The following CC2D2B variants were observed in gnomAD, a reference collection of about 807,000 sequenced individuals.
The protein encoded by CC2D2B is coiled-coil and C2 domain containing 2B.
Under a neutral mutation model 161.2 loss-of-function variants are expected in CC2D2B, and 128 were observed. The observed-to-expected ratio is 0.79, with a 90% CI of 0.69 to 0.92. The LOEUF (loss-of-function observed/expected upper bound fraction) is 0.92, where lower values mean the gene tolerates loss of function less well. Among genes scored for constraint, CC2D2B ranks in the 40% least tolerant of loss-of-function variants. The pLI is 0.00. For synonymous variants in CC2D2B, 391 were observed against 449.8 expected, an observed-to-expected ratio of 0.87 and a Z score of 1.65; for missense variants, 1,173 against 1,375.1, an observed-to-expected ratio of 0.85 and a Z score of 2.32.
At chr10:95,978,517 C>T (rs1168966754) in intron 17 of CC2D2B, among the ~76,000 whole-genome samples, 2 of 152,154 alleles carry the variant, frequency 1.3e-5, no homozygotes, top group African/African-American at 4.8e-5. Context: ...CCACCACATC[C>T]AGCTAATTTT....
rs534463496 is a variant in CC2D2B at position 95,958,091 on chromosome 10, A to G, written c.1109+2600A>G. On this transcript the variant is annotated intron_variant, in intron 11 of 34. Coordinates refer to ENST00000646931, the MANE Select transcript of CC2D2B (RefSeq NM_001349008.3). Reference sequence around the variant, plus strand: ...AACCTACTAGATAAAGACCTACTCAATGGCAGATCTACCAGATAAAGACTT... The same window carrying G: ...AACCTACTAGATAAAGACCTACTCAGTGGCAGATCTACCAGATAAAGACTT... Among the ~76,000 whole-genome samples the G allele has an allele frequency of 3.2e-4, 49 of 152,126 alleles. No individual in the cohort carries two copies. In the South Asian group the frequency reaches 5.4e-3, roughly 17 times the overall value.
At chr10:96,019,093 C>A in intron 30 of CC2D2B, 110 bp from the exon 31 acceptor site, 1 of 865,558 alleles carries the variant, frequency 1.2e-6, no homozygotes, top group Non-Finnish European at 1.7e-6. Flanking sequence ...AGGTATAAGC[C>A]ACCACACTCC....
chr10:96,029,294 A>C (rs1414986263), intron 34 of CC2D2B, among the ~76,000 whole-genome samples: 90 of 125,504 alleles, frequency 7.2e-4, no homozygotes, highest in Middle Eastern at 4.0e-3. Flanking sequence ...ATGTATATAT[A>C]TATATATATA....
intron 21 of CC2D2B, among the ~76,000 whole-genome samples, chr10:95,991,822 G>A (rs1163712339): frequency 6.6e-6 from 1 of 152,202 alleles, no homozygotes; most frequent in African/African-American, 2.4e-5. Flanking sequence ...ACCATGCTAA[G>A]CCTGTAATCA....
At chr10:95,940,200 A>G (rs2075973719) in intron 9 of CC2D2B, among the ~76,000 whole-genome samples, 1 of 151,996 alleles carries the variant, frequency 6.6e-6, no homozygotes, top group Non-Finnish European at 1.5e-5. Flanking sequence ...TCTCATGAGA[A>G]CTCTATCACC....
intron 9 of CC2D2B, among the ~76,000 whole-genome samples, chr10:95,945,286 C>T (rs1467501189): frequency 6.6e-5 from 10 of 152,198 alleles, no homozygotes; most frequent in Non-Finnish European, 5.9e-5. Flanking sequence ...CTGCCTTTCT[C>T]TTCTATCTTC....
intron 19 of CC2D2B, among the ~76,000 whole-genome samples, chr10:95,986,060 C>T (rs1394358238): frequency 6.6e-6 from 1 of 151,926 alleles, no homozygotes; most frequent in Non-Finnish European, 1.5e-5. Flanking sequence ...TCGCCCCGGC[C>T]CTGTAATCTC....
intron 15 of CC2D2B, among the ~76,000 whole-genome samples, chr10:95,971,357 C>G (rs533396988): frequency 1.3e-5 from 2 of 149,574 alleles, no homozygotes; most frequent in Admixed American, 1.3e-4. Context: ...CCACTACAAT[C>G]CAGCCTGGGC....
At chr10:95,968,024 G>A (rs377579057) in intron 14 of CC2D2B, among the ~76,000 whole-genome samples, 19 of 152,224 alleles carry the variant, frequency 1.2e-4, no homozygotes, top group Admixed American at 9.8e-4. Flanking sequence ...CATTGGTTGA[G>A]TGAATTAAAC....
intron 6 of CC2D2B, among the ~76,000 whole-genome samples, chr10:95,927,906 C>T (rs1374006937): frequency 6.6e-6 from 1 of 152,088 alleles, no homozygotes; most frequent in East Asian, 1.9e-4. Context: ...TCCTACTTAG[C>T]CTCACTGGTC....
At chr10:96,025,188 A>ATAT (rs1564684307) in intron 33 of CC2D2B, among the ~76,000 whole-genome samples, 15 of 49,564 alleles carry the variant, frequency 3.0e-4, no homozygotes, top group South Asian at 1.5e-3. Flanking sequence ...TATATATAAA[A>ATAT]AAAAATATAT....
chr10:96,022,949 G>A (rs981973228), intron 32 of CC2D2B, among the ~76,000 whole-genome samples: 2 of 152,286 alleles, frequency 1.3e-5, no homozygotes, highest in Middle Eastern at 3.4e-3. Flanking sequence ...CTAGATAAAA[G>A]TCAGGAATGA....
At chr10:95,951,451 C>T (rs1188488552) in intron 10 of CC2D2B, among the ~76,000 whole-genome samples, 1 of 152,160 alleles carries the variant, frequency 6.6e-6, no homozygotes, top group Admixed American at 6.6e-5. Context: ...CATGCCCAGC[C>T]AGGAGTTAAT....
chr10:95,996,016 A>G (rs2078217362), intron 23 of CC2D2B, 127 bp from the exon 24 acceptor site: 2 of 417,834 alleles, frequency 4.8e-6, no homozygotes, highest in Non-Finnish European at 8.4e-6. Context: ...ATAAATAAAT[A>G]AATAATGGTC....
intron 9 of CC2D2B, among the ~76,000 whole-genome samples, chr10:95,944,243 C>G (rs756262389): frequency 5.3e-5 from 8 of 152,150 alleles, no homozygotes; most frequent in Non-Finnish European, 1.5e-5. Flanking sequence ...AGGTGCTTAT[C>G]ATACCATGAG....
intron 11 of CC2D2B, among the ~76,000 whole-genome samples, chr10:95,960,981 G>T (rs550038321): frequency 3.3e-5 from 5 of 152,228 alleles, no homozygotes; most frequent in Non-Finnish European, 7.4e-5. Context: ...CAGTGGCTTT[G>T]GAACCGTCCA....
At chr10:95,917,645 T>C (rs2098518908) in intron 2 of CC2D2B, among the ~76,000 whole-genome samples, 1 of 151,930 alleles carries the variant, frequency 6.6e-6, no homozygotes, top group African/African-American at 2.4e-5. Context: ...ACTGAACTCT[T>C]ATTGCAAAAA....
At chr10:96,013,646 T>C (rs899814645) in intron 28 of CC2D2B, 142 bp from the exon 29 acceptor site, 1 of 496,666 alleles carries the variant, frequency 2.0e-6, no homozygotes, top group Non-Finnish European at 3.5e-6. Context: ...CCAAGCTTAT[T>C]TCCTCTTCTG....
At chr10:96,026,608 TCAA>T (rs2079789519) in intron 33 of CC2D2B, among the ~76,000 whole-genome samples, 1 of 152,050 alleles carries the variant, frequency 6.6e-6, no homozygotes, top group African/African-American at 2.4e-5. Context: ...GTAGGTGTTG[TCAA>T]ATCACACCCA....
Sources: allele counts gnomAD v4.1 joint callset (sites outside exome capture counted in the v4.1 genomes callset), GRCh38; gene constraint gnomAD v4.1.1; transcripts MANE v1.5; gene names NCBI Gene and HGNC (gene_info 2026-07-23, HGNC 2026-07-21).